Variants in VEGFD observed in about 807,000 individuals in gnomAD.
VEGFD encodes the protein c-fos induced growth factor (vascular endothelial growth factor D).
In VEGFD, 26 loss-of-function variants were observed where a neutral mutation model predicts 28.0. The observed-to-expected ratio is 0.93, with a 90% CI of 0.68 to 1.29. VEGFD has a LOEUF of 1.29. VEGFD is among the 50% of genes most tolerant of loss of function. The pLI, the probability that VEGFD is intolerant of heterozygous loss-of-function variation, is 0.00. For synonymous variants in VEGFD, 93 were observed against 95.5 expected, an observed-to-expected ratio of 0.97 and a Z score of 0.15; for missense variants, 294 against 273.4, an observed-to-expected ratio of 1.08 and a Z score of -0.53.
At chrX:15,346,565 C>T (rs1922554056) in intron 6 of VEGFD, among the ~76,000 whole-genome samples, 2 of 111,994 alleles carry the variant, frequency 1.8e-5, no homozygotes, top group South Asian at 3.7e-4. Context: ...CTGAAACCTC[C>T]CCTTCCTAAA....
intron 2 of VEGFD, among the ~76,000 whole-genome samples, chrX:15,359,599 G>T (rs181186715): frequency 3.5e-4 from 38 of 109,582 alleles, no homozygotes; most frequent in Admixed American, 3.0e-3. Context: ...TTGTGTATAT[G>T]TGTTCTCATT....
chrX:15,378,174 T>C (rs1272598360), intron 1 of VEGFD, among the ~76,000 whole-genome samples: 4 of 111,786 alleles, frequency 3.6e-5, no homozygotes, highest in Non-Finnish European at 7.5e-5. Context: ...GCTGGAATAA[T>C]GGGCTCAGAT....
intron 1 of VEGFD, among the ~76,000 whole-genome samples, chrX:15,373,908 C>A (rs900648405): frequency 3.6e-5 from 4 of 111,386 alleles, no homozygotes; most frequent in African/African-American, 1.3e-4. Context: ...CCACTCCCGG[C>A]CTTCCTCAGC....
chrX:15,383,650 C>T (rs1923642695), intron 1 of VEGFD, among the ~76,000 whole-genome samples: 1 of 111,780 alleles, frequency 8.9e-6, no homozygotes, highest in African/African-American at 3.3e-5. Flanking sequence ...CAACCCCCAC[C>T]CCAGCATTTT....
chrX:15,362,572 A>T (rs1011924263), intron 2 of VEGFD, among the ~76,000 whole-genome samples: 2 of 109,932 alleles, frequency 1.8e-5, no homozygotes, highest in Non-Finnish European at 1.9e-5. Flanking sequence ...ACGTACCACA[A>T]TGTTCAGCTA....
At chrX:15,361,240 T>C (rs762928136) in intron 2 of VEGFD, among the ~76,000 whole-genome samples, 1 of 112,637 alleles carries the variant, frequency 8.9e-6, no homozygotes, top group African/African-American at 3.2e-5. Context: ...TTCATGTTCA[T>C]GAAATAGCTC....
chrX:15,345,965 T>G lies in VEGFD; in HGVS notation c.*168A>C. 3.8e-6 allele frequency: 2 copies of G among 531,355 alleles called. No individual in the cohort carries two copies. The highest frequency in any genetic ancestry group is 6.1e-6 in the Non-Finnish European group (2 of 327,033). 43.8% of individuals were successfully genotyped at this position (531,355 alleles called of 1,213,427 possible). On this transcript the variant is annotated 3_prime_UTR_variant, in exon 7 of 7. Coordinates refer to ENST00000297904, the MANE Select transcript of VEGFD (RefSeq NM_004469.5). ...TCTGCAGCTAGAAGACATCCATCAA[T>G]GAACCAGGGACTCCTTAGCTGGTGT...
Position 15,347,170 on chromosome X carries a change from G to A in VEGFD, c.932C>T (p.Thr311Ile). Reference sequence around the variant, plus strand: ...GACAACTCAAGGCATTTACCTGCAGGTGTCTGGGTGAAATAGCTTGTGCTT... The same window carrying A: ...GACAACTCAAGGCATTTACCTGCAGATGTCTGGGTGAAATAGCTTGTGCTT... ...CQKHKLFHPD[T>I]CSCEDRCPFH... The change falls in exon 6 of 7, where the codon ACC becomes ATC. Residue 311 changes from threonine (T) to isoleucine (I), a missense_variant. By Grantham distance (89) the Thr-to-Ile change is moderately conservative. Transcript: ENST00000297904. 1 of 1,206,912 alleles carries A rather than the reference G, an allele frequency of 8.3e-7. No homozygotes were observed. Among genetic ancestry groups the A allele is most frequent in the Middle Eastern group, 2.3e-4 (1 of 4,324 alleles).
chrX:15,355,049 T>A (rs773971929), intron 4 of VEGFD, 101 bp downstream of exon 4: 17 of 729,401 alleles, frequency 2.3e-5, no homozygotes, highest in Non-Finnish European at 3.2e-5. Context: ...AATTTGAAGA[T>A]AAATTGATAA....
At position 15,359,868 on chromosome X, in the gene VEGFD, C is replaced by T. The variant is rs1305127491; in HGVS notation, c.302-1675G>A. Among the ~76,000 whole-genome samples, 3 of 112,195 alleles carry T rather than the reference C, an allele frequency of 2.7e-5. No individual in the cohort carries two copies. In the Admixed American group the frequency reaches 2.8e-4, roughly 11 times the overall value. ...GCAGCCCAAGCCAACATCTTAACTG[C>T]AGCCTCCAGAGACATCTGAAGCAGA... On this transcript the variant is annotated intron_variant, in intron 2 of 6. Transcript: ENST00000297904.
intron 5 of VEGFD, among the ~76,000 whole-genome samples, chrX:15,348,657 T>G (rs755434148): frequency 1.8e-5 from 2 of 112,547 alleles, no homozygotes; most frequent in African/African-American, 3.2e-5. Context: ...CTGCCATCCC[T>G]TTTCCCTGAC....
chrX:15,369,087 C>CATCT (rs1395461268), intron 1 of VEGFD, among the ~76,000 whole-genome samples: 1 of 111,653 alleles, frequency 9.0e-6, no homozygotes, highest in Non-Finnish European at 1.9e-5. Flanking sequence ...GAAGCATGAG[C>CATCT]ATCTCCATAG....
intron 1 of VEGFD, among the ~76,000 whole-genome samples, chrX:15,371,051 G>A (rs889413581): frequency 1.8e-5 from 2 of 111,380 alleles, no homozygotes; most frequent in Non-Finnish European, 1.9e-5. Context: ...CCACCACCCT[G>A]TTGCTGTAGC....
At chrX:15,347,580 A>G (rs748395449) in intron 5 of VEGFD, 1 of 303,033 alleles carries the variant, frequency 3.3e-6, no homozygotes, top group Non-Finnish European at 5.7e-6. Flanking sequence ...GTGATTTTTA[A>G]AATATCATAA....
chrX:15,382,731 G>A (rs1349136454), intron 1 of VEGFD, among the ~76,000 whole-genome samples: 1 of 110,988 alleles, frequency 9.0e-6, no homozygotes, highest in African/African-American at 3.3e-5. Flanking sequence ...ATGTAAATTT[G>A]GAATTTGAGA....
At chrX:15,368,135 GAA>G (rs1298766873) in intron 1 of VEGFD, among the ~76,000 whole-genome samples, 1 of 107,059 alleles carries the variant, frequency 9.3e-6, no homozygotes, top group Non-Finnish European at 1.9e-5. Context: ...GAAAGAGAAA[GAA>G]AGAAAGGAGA....
Position 15,357,993 on chromosome X carries a change from G to T in VEGFD, c.492+10C>A, listed in dbSNP as rs1922908329. The T allele has an allele frequency of 1.7e-6, 2 of 1,196,084 alleles. No homozygotes were observed. The highest frequency in any genetic ancestry group is 4.5e-5 in the Admixed American group (2 of 44,253). ...CTTTAGAGACGGCAGGCTTGCCGAT[G>T]TCCTTATACCTGTTTGGAAATGTAC... On this transcript the variant is annotated intron_variant, in intron 3 of 6. Transcript: ENST00000297904.
intron 1 of VEGFD, among the ~76,000 whole-genome samples, chrX:15,369,900 A>G (rs1478933927): frequency 8.9e-6 from 1 of 112,366 alleles, no homozygotes; most frequent in Non-Finnish European, 1.9e-5. Context: ...TTGGGAGGCA[A>G]TGAAAAATGT....
At chrX:15,349,253 A>G (rs745723198) in intron 5 of VEGFD, among the ~76,000 whole-genome samples, 6 of 112,824 alleles carry the variant, frequency 5.3e-5, no homozygotes, top group Non-Finnish European at 1.1e-4. Context: ...AGAATACTTC[A>G]GACAGGCCCA....
Sources: allele counts gnomAD v4.1 joint callset (sites outside exome capture counted in the v4.1 genomes callset), GRCh38; gene constraint gnomAD v4.1.1; transcripts MANE v1.5; gene names NCBI Gene and HGNC (gene_info 2026-07-23, HGNC 2026-07-21).